Variants in PTPRT observed in about 807,000 individuals in gnomAD.
The protein encoded by PTPRT is protein tyrosine phosphatase receptor type T.
A neutral mutation model predicts 176.8 loss-of-function variants in PTPRT; 56 were observed. The observed-to-expected ratio is 0.32, with a 90% confidence interval of 0.26 to 0.40. The LOEUF (loss-of-function observed/expected upper bound fraction) is 0.40. PTPRT is among the 10% of genes least tolerant of loss of function. The pLI is 1.00. For synonymous variants in PTPRT, 783 were observed against 739.0 expected (o/e 1.06, Z -0.96); for missense variants, 1,540 against 1,908.2 (o/e 0.81, Z 3.60).
chr20:42,398,585 G>A (rs947821012), intron 9 of PTPRT, among the ~76,000 whole-genome samples: 8 of 152,018 alleles, frequency 5.3e-5, no homozygotes, highest in African/African-American at 1.4e-4. Flanking sequence ...TTCAAATGGC[G>A]CATCGACAAG....
intron 7 of PTPRT, among the ~76,000 whole-genome samples, chr20:42,605,809 A>G (rs2073866209): frequency 6.6e-6 from 1 of 152,186 alleles, no homozygotes. Context: ...TTAGAGGGTC[A>G]CAGGTTTCAG....
chr20:42,867,871 G>A (rs888997955), intron 2 of PTPRT, among the ~76,000 whole-genome samples: 1 of 151,870 alleles, frequency 6.6e-6, no homozygotes, highest in Non-Finnish European at 1.5e-5. Flanking sequence ...CAGTAGAGAC[G>A]AGTTTTCACC....
At chr20:42,644,367 A>G (rs1436940530) in intron 7 of PTPRT, among the ~76,000 whole-genome samples, 2 of 152,156 alleles carry the variant, frequency 1.3e-5, no homozygotes, top group African/African-American at 4.8e-5. Context: ...TGAAAACATC[A>G]TCCAAGTCCC....
At chr20:42,895,101 A>G (rs2079271074) in intron 1 of PTPRT, among the ~76,000 whole-genome samples, 1 of 152,240 alleles carries the variant, frequency 6.6e-6, no homozygotes, top group East Asian at 1.9e-4. Context: ...AAGGCTAGAT[A>G]GTAAATATTT....
At chr20:42,720,852 A>C (rs1683762073) in intron 6 of PTPRT, among the ~76,000 whole-genome samples, 1 of 152,296 alleles carries the variant, frequency 6.6e-6, no homozygotes, top group South Asian at 2.1e-4. Flanking sequence ...ACTGTCTCTC[A>C]CTAGAGAGTT....
intron 7 of PTPRT, among the ~76,000 whole-genome samples, chr20:42,622,851 G>GC (rs1870146324): frequency 6.6e-6 from 1 of 152,058 alleles, no homozygotes; most frequent in Admixed American, 6.5e-5. Flanking sequence ...CCGGGCAAAG[G>GC]CCCCCCACCT....
chr20:42,162,718 A>C (rs1190473203), intron 16 of PTPRT, among the ~76,000 whole-genome samples: 1 of 152,238 alleles, frequency 6.6e-6, no homozygotes, highest in African/African-American at 2.4e-5. Flanking sequence ...CACTCGGCCT[A>C]TGCCATACTC....
chr20:42,286,960 A>T (rs535408929), intron 12 of PTPRT, among the ~76,000 whole-genome samples: 47 of 152,124 alleles, frequency 3.1e-4, no homozygotes, highest in African/African-American at 1.1e-3. Flanking sequence ...TCAAAAGGAG[A>T]TATACAAATG....
At chr20:42,529,848 A>G (rs1020628342) in intron 7 of PTPRT, among the ~76,000 whole-genome samples, 7 of 84,930 alleles carry the variant, frequency 8.2e-5, no homozygotes, top group East Asian at 8.1e-4. Flanking sequence ...TTGTTAGAGG[A>G]AAAAAAAAAA....
At chr20:42,196,488 G>T (rs1005006314) in intron 16 of PTPRT, among the ~76,000 whole-genome samples, 4 of 152,070 alleles carry the variant, frequency 2.6e-5, no homozygotes, top group African/African-American at 4.8e-5. Context: ...AAAATCCACT[G>T]CTTTAGCTAT....
the PTPRT span, among the ~76,000 whole-genome samples, chr20:42,044,663 C>G: frequency 6.6e-6 from 1 of 152,190 alleles, no homozygotes; most frequent in South Asian, 2.1e-4. Flanking sequence ...GGGCATGAGT[C>G]TAAGTACTTT....
intron 16 of PTPRT, among the ~76,000 whole-genome samples, chr20:42,190,230 T>G (rs1211838005): frequency 6.6e-6 from 1 of 152,240 alleles, no homozygotes; most frequent in Non-Finnish European, 1.5e-5. Context: ...TTTTTCACAA[T>G]GCTCTGTTGA....
intron 1 of PTPRT, among the ~76,000 whole-genome samples, chr20:42,945,177 C>A (rs1310019494): frequency 9.3e-5 from 14 of 150,646 alleles, no homozygotes; most frequent in South Asian, 2.1e-4. Context: ...TAATGTAACT[C>A]TAAAGATACA....
chr20:42,679,324 G>A (rs1409970475), intron 6 of PTPRT, among the ~76,000 whole-genome samples: 1 of 150,510 alleles, frequency 6.6e-6, no homozygotes, highest in East Asian at 1.9e-4. Flanking sequence ...GACAACCTAA[G>A]AAATCAGGTC....
intron 1 of PTPRT, among the ~76,000 whole-genome samples, chr20:43,184,417 G>T (rs148322268): frequency 2.0e-5 from 3 of 152,118 alleles, no homozygotes; most frequent in Non-Finnish European, 4.4e-5. Context: ...GGCCGGGTGC[G>T]GTGGCTCACA....
At chr20:42,855,680 C>T (rs1477860009) in intron 2 of PTPRT, among the ~76,000 whole-genome samples, 1 of 152,082 alleles carries the variant, frequency 6.6e-6, no homozygotes, top group Non-Finnish European at 1.5e-5. Context: ...AATCTGACCA[C>T]CTCAGCCTCC....
intron 6 of PTPRT, among the ~76,000 whole-genome samples, chr20:42,696,824 C>A (rs1474336978): frequency 2.0e-5 from 3 of 152,112 alleles, no homozygotes; most frequent in Non-Finnish European, 4.4e-5. Context: ...CAGATCCTAT[C>A]CTAGTCAGGC....
intron 2 of PTPRT, among the ~76,000 whole-genome samples, chr20:42,846,035 G>A (rs1489005953): frequency 6.6e-6 from 1 of 152,128 alleles, no homozygotes; most frequent in East Asian, 1.9e-4. Context: ...GACGCTACAA[G>A]GCAGCTGAGG....
chr20:43,052,425 G>C (rs895397994), intron 1 of PTPRT, among the ~76,000 whole-genome samples: 2 of 152,214 alleles, frequency 1.3e-5, no homozygotes, highest in East Asian at 3.8e-4. Flanking sequence ...TACCATGCAA[G>C]GGTTGGGAAC....
Sources: allele counts gnomAD v4.1 joint callset (sites outside exome capture counted in the v4.1 genomes callset), GRCh38; gene constraint gnomAD v4.1.1; transcripts MANE v1.5; gene names NCBI Gene and HGNC (gene_info 2026-07-23, HGNC 2026-07-21).